MARCHF1: variants seen among roughly 807,000 people sequenced by gnomAD.
The protein encoded by MARCHF1 is E3 ubiquitin-protein ligase MARCHF1.
A neutral mutation model predicts 54.2 loss-of-function variants in MARCHF1; 40 were observed. The ratio of observed to expected loss-of-function variants is 0.74; its 90% CI spans 0.57 to 0.96. The LOEUF is 0.96. Among genes scored for constraint, MARCHF1 ranks in the 40% least tolerant of loss-of-function variants. MARCHF1 has a pLI of 0.00. For missense variants in MARCHF1, 586 were observed against 656.5 expected, an observed-to-expected ratio of 0.89 and a Z score of 1.17; for synonymous variants, 236 against 236.3, an observed-to-expected ratio of 1.00 and a Z score of 0.01.
chr4:163,792,094 T>A (rs914140133), intron 4 of MARCHF1, among the ~76,000 whole-genome samples: 1 of 152,132 alleles, frequency 6.6e-6, no homozygotes, highest in Non-Finnish European at 1.5e-5. Context: ...CATAAATATA[T>A]CAACAAACAT....
intron 1 of MARCHF1, among the ~76,000 whole-genome samples, chr4:164,359,211 A>G (rs982233558): frequency 2.0e-5 from 3 of 152,170 alleles, no homozygotes; most frequent in African/African-American, 7.2e-5. Flanking sequence ...AACTCCAGTG[A>G]TGTGTGTCAT....
At chr4:163,667,817 G>A (rs1268095133) in intron 5 of MARCHF1, among the ~76,000 whole-genome samples, 1 of 151,976 alleles carries the variant, frequency 6.6e-6, no homozygotes, top group South Asian at 2.1e-4. Flanking sequence ...AGTAGAGATG[G>A]GGTTTCACCA....
intron 1 of MARCHF1, among the ~76,000 whole-genome samples, chr4:164,129,705 A>AT (rs970936094): frequency 2.0e-5 from 3 of 152,068 alleles, no homozygotes; most frequent in East Asian, 1.9e-4. Context: ...CAAGTGTGGA[A>AT]TTTTTTTAGT....
At chr4:163,820,000 A>G (rs1748646340) in intron 4 of MARCHF1, among the ~76,000 whole-genome samples, 1 of 152,122 alleles carries the variant, frequency 6.6e-6, no homozygotes, top group South Asian at 2.1e-4. Flanking sequence ...AAACAAACCT[A>G]AATCAATAAT....
intron 5 of MARCHF1, among the ~76,000 whole-genome samples, chr4:163,648,281 T>G (rs1207598352): frequency 1.3e-5 from 2 of 151,910 alleles, no homozygotes; most frequent in Admixed American, 1.3e-4. Flanking sequence ...CAAGTAGAAA[T>G]GTACCTTCAT....
intron 4 of MARCHF1, among the ~76,000 whole-genome samples, chr4:163,799,728 T>C (rs1263576896): frequency 1.3e-5 from 2 of 152,080 alleles, no homozygotes; most frequent in Admixed American, 6.6e-5. Context: ...TATCCAGTAA[T>C]AGGATTTCTC....
At chr4:164,280,366 A>G (rs1366334908) in intron 1 of MARCHF1, among the ~76,000 whole-genome samples, 3 of 152,068 alleles carry the variant, frequency 2.0e-5, no homozygotes, top group East Asian at 1.9e-4. Context: ...AGAAAAATCA[A>G]TGGAATTGCA....
intron 4 of MARCHF1, among the ~76,000 whole-genome samples, chr4:163,723,101 T>C (rs1437376573): frequency 6.6e-6 from 1 of 152,248 alleles, no homozygotes; most frequent in Non-Finnish European, 1.5e-5. Context: ...CGTTAGTTGA[T>C]GCAGTTTCTT....
At chr4:164,345,302 C>G (rs572894496) in intron 1 of MARCHF1, among the ~76,000 whole-genome samples, 2 of 152,170 alleles carry the variant, frequency 1.3e-5, no homozygotes, top group Admixed American at 6.5e-5. Flanking sequence ...CACAGTGGTT[C>G]AGGCCTGTAA....
At chr4:163,715,829 C>T (rs1324434876) in intron 4 of MARCHF1, among the ~76,000 whole-genome samples, 1 of 152,086 alleles carries the variant, frequency 6.6e-6, no homozygotes, top group Non-Finnish European at 1.5e-5. Flanking sequence ...TGACCACAAG[C>T]AGATTTTTAA....
At chr4:164,175,498 A>G (rs1730640297) in intron 1 of MARCHF1, among the ~76,000 whole-genome samples, 1 of 152,214 alleles carries the variant, frequency 6.6e-6, no homozygotes, top group Admixed American at 6.5e-5. Context: ...TCTATGTATC[A>G]ACTTGGCTAG....
chr4:164,215,191 T>C (rs1197184391), intron 1 of MARCHF1, among the ~76,000 whole-genome samples: 4 of 152,172 alleles, frequency 2.6e-5, no homozygotes, highest in Non-Finnish European at 5.9e-5. Context: ...AAGGTTTTAC[T>C]GTGTGGAAGT....
At chr4:163,730,512 C>G (rs10002488) in intron 4 of MARCHF1, among the ~76,000 whole-genome samples, 3,737 of 152,080 alleles carry the variant, frequency 0.025, 156 homozygotes, top group African/African-American at 0.084. Context: ...TGTGGTAACT[C>G]TGGAAATCCA....
chr4:163,963,270 A>G (rs989145836), intron 3 of MARCHF1, among the ~76,000 whole-genome samples: 2 of 151,914 alleles, frequency 1.3e-5, no homozygotes, highest in African/African-American at 4.8e-5. Context: ...CTTCATCAAT[A>G]TAAGGTCTAT....
At chr4:164,103,867 A>G (rs1755628900) in intron 2 of MARCHF1, among the ~76,000 whole-genome samples, 1 of 141,948 alleles carries the variant, frequency 7.0e-6, no homozygotes, top group Admixed American at 6.8e-5. Flanking sequence ...ATAGACTGCT[A>G]GCAAGACTAA....
intron 5 of MARCHF1, among the ~76,000 whole-genome samples, chr4:163,696,145 A>G (rs992128990): frequency 1.3e-5 from 2 of 152,212 alleles, no homozygotes; most frequent in Non-Finnish European, 1.5e-5. Context: ...ACTAAGACAA[A>G]CTAGAAATAT....
intron 4 of MARCHF1, among the ~76,000 whole-genome samples, chr4:163,849,192 A>G (rs17044232): frequency 0.04 from 6,038 of 152,280 alleles, 267 homozygotes; most frequent in African/African-American, 0.1. Context: ...TTCACAAGTT[A>G]TTACCTAAGT....
intron 1 of MARCHF1, among the ~76,000 whole-genome samples, chr4:164,319,425 G>A (rs1218590711): frequency 6.6e-6 from 1 of 152,080 alleles, no homozygotes; most frequent in African/African-American, 2.4e-5. Context: ...CAAGCAAGAT[G>A]AGCAGCATCC....
At chr4:163,726,298 A>C (rs1745651302) in intron 4 of MARCHF1, among the ~76,000 whole-genome samples, 1 of 152,170 alleles carries the variant, frequency 6.6e-6, no homozygotes, top group Non-Finnish European at 1.5e-5. Flanking sequence ...AACCTCTGGC[A>C]ACCACTAATT....
Sources: gnomAD v4.1 joint callset for allele counts (sites outside exome capture counted in the v4.1 genomes callset) on GRCh38, gnomAD v4.1.1 for gene constraint, MANE v1.5 for transcripts, NCBI Gene and HGNC (gene_info 2026-07-23, HGNC 2026-07-21) for gene names.